BCL2L11: variants seen among roughly 807,000 people sequenced by gnomAD.
BCL2L11 encodes bcl-2-like protein 11.
In BCL2L11, 15 loss-of-function variants were observed where a neutral mutation model predicts 20.6. The ratio of observed to expected loss-of-function variants is 0.73; its 90% CI spans 0.49 to 1.12. BCL2L11 has a LOEUF of 1.12. Among genes scored for constraint, BCL2L11 ranks in the 50% most tolerant of loss-of-function variants. The pLI, the probability that BCL2L11 is intolerant of heterozygous loss-of-function variation, is 0.00. For synonymous variants in BCL2L11, 108 were observed against 92.8 expected, an observed-to-expected ratio of 1.16 and a Z score of -0.94; for missense variants, 292 against 260.9, an observed-to-expected ratio of 1.12 and a Z score of -0.82.
chr2:111,161,404 A>G (rs768525147), intron 3 of BCL2L11: 441 of 1,550,446 alleles, frequency 2.8e-4, no homozygotes, highest in Non-Finnish European at 3.5e-4. Context: ...ACTTAAATGC[A>G]CTTTTGATTC....
chr2:111,131,470 C>G (rs1251172058), intron 2 of BCL2L11: 3 of 152,140 alleles, frequency 2.0e-5, no homozygotes, highest in Non-Finnish European at 4.4e-5. Context: ...ATTTCTAATA[C>G]TGGTAATTTG....
intron 2 of BCL2L11, chr2:111,144,603 G>A (rs1258495135): frequency 1.3e-5 from 18 of 1,426,638 alleles, no homozygotes; most frequent in Non-Finnish European, 1.5e-5. Context: ...AATTTAGAAA[G>A]ATATTTCTGA....
intron 2 of BCL2L11, among the ~76,000 whole-genome samples, chr2:111,133,478 C>T (rs528003950): frequency 8.5e-5 from 13 of 152,192 alleles, no homozygotes; most frequent in Non-Finnish European, 1.9e-4. Context: ...TTGAGACCTC[C>T]TCTTTGACCC....
At position 111,166,636 on chromosome 2, in the gene BCL2L11, A is replaced by G. The variant is rs1435076811; in HGVS notation, c.*2405A>G. The G allele has an allele frequency of 2.6e-5, 4 of 152,654 alleles. No homozygotes were observed. Among genetic ancestry groups the G allele is most frequent in the Admixed American group, 2.0e-4 (3 of 15,290 alleles). The allele number at this position is 152,654 out of a possible 1,614,324, so 9.5% of individuals were successfully genotyped here. A position where few individuals can be genotyped will look rare whatever the true frequency, so the allele number is the denominator to read the frequency against. On this transcript the variant is annotated 3_prime_UTR_variant, in exon 4 of 4. Coordinates refer to ENST00000393256, the MANE Select transcript of BCL2L11 (RefSeq NM_138621.5). ...TTACTGCAGGTTTTGTGCCTTGACA[A>G]CCTCTCCCTATGTGAGGTTTGTAAA...
At chr2:111,148,007 T>C (rs2076785473) in intron 2 of BCL2L11, among the ~76,000 whole-genome samples, 1 of 152,234 alleles carries the variant, frequency 6.6e-6, no homozygotes, top group African/African-American at 2.4e-5. Flanking sequence ...TTTGTGAATA[T>C]CATTGATGTA....
chr2:111,152,117 A>C (rs746628698), intron 3 of BCL2L11, among the ~76,000 whole-genome samples: 9 of 152,150 alleles, frequency 5.9e-5, no homozygotes, highest in Non-Finnish European at 1.3e-4. Flanking sequence ...AGGTGAATAC[A>C]CTCAAGTCCC....
intron 2 of BCL2L11, chr2:111,142,204 G>T (rs1575070029): frequency 2.2e-6 from 2 of 890,356 alleles, no homozygotes; most frequent in Middle Eastern, 2.2e-4. Flanking sequence ...ACTTGCACTT[G>T]TGCTAATGAA....
At chr2:111,123,026 G>T in intron 1 of BCL2L11, 1 of 982,242 alleles carries the variant, frequency 1.0e-6, no homozygotes, top group Non-Finnish European at 1.2e-6. Context: ...TGTAGACCTT[G>T]CAGGCGTTCG....
chr2:111,154,378 G>A (rs1575166355), intron 3 of BCL2L11, among the ~76,000 whole-genome samples: 1 of 149,214 alleles, frequency 6.7e-6, no homozygotes, highest in Admixed American at 6.6e-5. Flanking sequence ...AAGAAAAAAT[G>A]TATTTTCTGG....
rs536871780 is a variant in BCL2L11 at position 111,165,484 on chromosome 2, G to A, written c.*1253G>A. 6.6e-6 allele frequency: 1 copy of A among 152,344 alleles called. No homozygotes were observed. Among genetic ancestry groups the A allele is most frequent in the South Asian group, 2.1e-4 (1 of 4,826 alleles). The allele number at this position is 152,344 out of a possible 1,614,324, so 9.4% of individuals were successfully genotyped here. A position where few individuals can be genotyped will look rare whatever the true frequency, so the allele number is the denominator to read the frequency against. ...TCATCCCACTTCCACCAGCACCATA[G>A]AAGAATAATTCTGGGCAGAAGTCTG... is the stretch of plus-strand genomic sequence containing the variant. On this transcript the variant is annotated 3_prime_UTR_variant, in exon 4 of 4. Transcript: ENST00000393256.
intron 1 of BCL2L11, among the ~76,000 whole-genome samples, chr2:111,121,486 A>C (rs1204403328): frequency 1.3e-5 from 2 of 152,166 alleles, no homozygotes; most frequent in Non-Finnish European, 2.9e-5. Flanking sequence ...GCAGGAGGAG[A>C]GGCAGCGCGT....
At chr2:111,151,038 G>A (rs2077191895) in intron 3 of BCL2L11, among the ~76,000 whole-genome samples, 1 of 152,094 alleles carries the variant, frequency 6.6e-6, no homozygotes, top group Non-Finnish European at 1.5e-5. Flanking sequence ...TTGAGTAGCT[G>A]GGATTACAGG....
chr2:111,147,317 A>G (rs1247195024), intron 2 of BCL2L11, among the ~76,000 whole-genome samples: 6 of 138,600 alleles, frequency 4.3e-5, no homozygotes, highest in Middle Eastern at 3.6e-3. Flanking sequence ...GAAAGAGTAC[A>G]GCCTCCTGTA....
chr2:111,153,672 T>G (rs2077500126), intron 3 of BCL2L11: 1 of 1,324,726 alleles, frequency 7.5e-7, no homozygotes, highest in Non-Finnish European at 1.1e-6. Flanking sequence ...TTTTAAATGT[T>G]GAGTGTCTTT....
At chr2:111,128,614 T>C in intron 2 of BCL2L11, 1 of 1,474,788 alleles carries the variant, frequency 6.8e-7, no homozygotes, top group Non-Finnish European at 8.9e-7. Flanking sequence ...TTTTTTTTTT[T>C]TTTTTTTAAC....
In BCL2L11 at chr2:111,167,657, C is replaced by T. The variant is rs1328418936; in HGVS notation, c.*3426C>T. 2 of 152,290 alleles carry T rather than the reference C, an allele frequency of 1.3e-5. No homozygotes were observed. The highest frequency in any genetic ancestry group is 4.8e-5 in the African/African-American group (2 of 41,474). The allele number at this position is 152,290 out of a possible 1,614,324, so 9.4% of individuals were successfully genotyped here. On this transcript the variant is annotated 3_prime_UTR_variant, in exon 4 of 4. Transcript: ENST00000393256. ...GGTGGCTCCTGCCTAAGGACCACCT[C>T]AGGCCACTAACCCCTTGTGGACAAC...
At chr2:111,122,744 G>T in intron 1 of BCL2L11, 4 of 984,396 alleles carry the variant, frequency 4.1e-6, no homozygotes, top group Non-Finnish European at 4.8e-6. Context: ...GCGGCGGGCT[G>T]GCGGGAAGGC....
chr2:111,122,686 G>A, intron 1 of BCL2L11: 1 of 982,614 alleles, frequency 1.0e-6, no homozygotes, highest in Non-Finnish European at 1.2e-6. Context: ...GGGGCAGCGC[G>A]GGCCAGAGGC....
chr2:111,148,743 AG>A (rs2076884589), intron 2 of BCL2L11, among the ~76,000 whole-genome samples: 1 of 152,098 alleles, frequency 6.6e-6, no homozygotes, highest in Admixed American at 6.5e-5. Flanking sequence ...CCACCCCCAC[AG>A]GGGTGGTGTG....
Sources: allele counts gnomAD v4.1 joint callset (sites outside exome capture counted in the v4.1 genomes callset), GRCh38; gene constraint gnomAD v4.1.1; transcripts MANE v1.5; gene names NCBI Gene and HGNC (gene_info 2026-07-23, HGNC 2026-07-21).